Variants in SOX6 observed in about 807,000 individuals in gnomAD.
The protein encoded by SOX6 is transcription factor SOX-6.
In SOX6, 11 loss-of-function variants were observed where a neutral mutation model predicts 97.8. The ratio of observed to expected loss-of-function variants is 0.11; its 90% CI spans 0.07 to 0.19. The LOEUF (loss-of-function observed/expected upper bound fraction) is 0.19. Among genes scored for constraint, SOX6 ranks in the 10% least tolerant of loss-of-function variants. The pLI, the probability that SOX6 is intolerant of heterozygous loss-of-function variation, is 1.00. For missense variants in SOX6, 810 were observed against 1,039.5 expected, an observed-to-expected ratio of 0.78 and a Z score of 3.04; for synonymous variants, 360 against 371.4, an observed-to-expected ratio of 0.97 and a Z score of 0.35.
At chr11:16,460,721 A>G (rs758592456) in intron 1 of SOX6, among the ~76,000 whole-genome samples, 3 of 152,068 alleles carry the variant, frequency 2.0e-5, no homozygotes, top group Non-Finnish European at 4.4e-5. Context: ...TCATCACTTT[A>G]TCTGAGAGAG....
chr11:16,218,231 A>T (rs10832561), intron 4 of SOX6, among the ~76,000 whole-genome samples: 72,564 of 151,854 alleles, frequency 0.48, 17,520 homozygotes, highest in South Asian at 0.61. Context: ...TTTTTACTGA[A>T]TTAATGTGAA....
At chr11:16,234,518 A>T in intron 4 of SOX6, 64 bp downstream of exon 4, 1 of 944,894 alleles carries the variant, frequency 1.1e-6, no homozygotes, top group Non-Finnish European at 1.7e-6. Flanking sequence ...ATCAGCAAAT[A>T]CATTGTTATA....
intron 4 of SOX6, among the ~76,000 whole-genome samples, chr11:16,495,368 C>T (rs1860576948): frequency 6.6e-6 from 1 of 152,174 alleles, no homozygotes; most frequent in South Asian, 2.1e-4. Context: ...AAAACTAGTG[C>T]CCATATGTAC....
intron 4 of SOX6, among the ~76,000 whole-genome samples, chr11:16,579,579 C>A (rs1189859254): frequency 6.6e-6 from 1 of 152,062 alleles, no homozygotes; most frequent in Non-Finnish European, 1.5e-5. Context: ...TCTCTCTTTA[C>A]TTCTCTATGC....
chr11:16,027,642 G>A (rs950796116), intron 12 of SOX6, among the ~76,000 whole-genome samples: 26 of 152,152 alleles, frequency 1.7e-4, no homozygotes, highest in Non-Finnish European at 2.1e-4. Flanking sequence ...TTATCAGGAG[G>A]TGAGCTTAAG....
intron 3 of SOX6, among the ~76,000 whole-genome samples, chr11:16,642,517 C>G (rs1473647638): frequency 2.0e-5 from 3 of 152,194 alleles, no homozygotes; most frequent in Non-Finnish European, 2.9e-5. Flanking sequence ...TGTTTTCCAA[C>G]TTGGTTCCAT....
chr11:16,443,045 T>C (rs940596790), intron 1 of SOX6, among the ~76,000 whole-genome samples: 1 of 152,178 alleles, frequency 6.6e-6, no homozygotes, highest in Admixed American at 6.5e-5. Context: ...TCCTAAAATA[T>C]ACTAGTCCCT....
intron 3 of SOX6, among the ~76,000 whole-genome samples, chr11:16,699,410 C>A (rs1250009951): frequency 6.6e-6 from 1 of 151,940 alleles, no homozygotes; most frequent in Non-Finnish European, 1.5e-5. Context: ...TGTTTCTTGA[C>A]ATTATTTGTG....
chr11:16,349,060 G>A (rs551351249), intron 1 of SOX6, among the ~76,000 whole-genome samples: 1 of 152,110 alleles, frequency 6.6e-6, no homozygotes, highest in East Asian at 1.9e-4. Context: ...TTAAAGGACT[G>A]AAAATTTGAC....
chr11:16,462,089 C>T (rs1590212761), intron 1 of SOX6, among the ~76,000 whole-genome samples: 1 of 152,086 alleles, frequency 6.6e-6, no homozygotes, highest in African/African-American at 2.4e-5. Flanking sequence ...AAAACATTTG[C>T]TACCAAAAAA....
intron 1 of SOX6, among the ~76,000 whole-genome samples, chr11:16,438,573 G>A (rs1009152670): frequency 6.6e-6 from 1 of 152,068 alleles, no homozygotes; most frequent in Admixed American, 6.5e-5. Context: ...AGGAATACAG[G>A]AAATCTTCAA....
At chr11:16,207,242 A>C (rs1289584604) in intron 4 of SOX6, among the ~76,000 whole-genome samples, 1 of 152,198 alleles carries the variant, frequency 6.6e-6, no homozygotes, top group Non-Finnish European at 1.5e-5. Flanking sequence ...CAATAGAAGA[A>C]TGTATAAACA....
intron 4 of SOX6, among the ~76,000 whole-genome samples, chr11:16,197,119 C>G (rs1037061759): frequency 2.0e-5 from 3 of 152,094 alleles, no homozygotes; most frequent in African/African-American, 7.2e-5. Flanking sequence ...CAGGCGGGAG[C>G]CACCACGCCC....
chr11:16,209,313 A>G (rs186044577), intron 4 of SOX6, among the ~76,000 whole-genome samples: 158 of 152,314 alleles, frequency 1.0e-3, no homozygotes, highest in Non-Finnish European at 1.8e-3. Flanking sequence ...AGACTTAAAA[A>G]CAACCTAAAG....
At chr11:16,504,154 T>G (rs981366069) in intron 4 of SOX6, among the ~76,000 whole-genome samples, 2 of 151,938 alleles carry the variant, frequency 1.3e-5, no homozygotes, top group Non-Finnish European at 2.9e-5. Context: ...TATGAATAGA[T>G]CTATAGGACT....
chr11:16,094,986 G>A (rs564150504), intron 9 of SOX6, among the ~76,000 whole-genome samples: 29 of 151,912 alleles, frequency 1.9e-4, no homozygotes, highest in Non-Finnish European at 2.8e-4. Flanking sequence ...AAAAGGTAAC[G>A]TCAAAGGGAC....
intron 4 of SOX6, among the ~76,000 whole-genome samples, chr11:16,569,015 T>A (rs1339847687): frequency 6.6e-6 from 1 of 152,164 alleles, no homozygotes; most frequent in Non-Finnish European, 1.5e-5. Flanking sequence ...AAAAACAAAT[T>A]AATAAATGCA....
chr11:16,563,601 G>A (rs59749567), intron 4 of SOX6, among the ~76,000 whole-genome samples: 2,163 of 152,234 alleles, frequency 0.014, 44 homozygotes, highest in East Asian at 0.052. Context: ...AAAATGAACC[G>A]AATGTCAGGA....
intron 3 of SOX6, among the ~76,000 whole-genome samples, chr11:16,637,926 T>C (rs180795492): frequency 3.3e-5 from 5 of 152,104 alleles, no homozygotes; most frequent in Admixed American, 3.3e-4. Context: ...TTTTTTTTTT[T>C]TTATACTTTA....
Sources: gnomAD v4.1 joint callset for allele counts (sites outside exome capture counted in the v4.1 genomes callset) on GRCh38, gnomAD v4.1.1 for gene constraint, MANE v1.5 for transcripts, NCBI Gene and HGNC (gene_info 2026-07-23, HGNC 2026-07-21) for gene names.